C3orf33: variants seen among roughly 807,000 people sequenced by gnomAD.
C3orf33 encodes the protein AP-1 activity suppressor.
C3orf33 carries 23 observed loss-of-function variants against 28.7 expected under a neutral mutation model. The observed-to-expected ratio is 0.80, with a 90% CI of 0.58 to 1.13. The LOEUF (loss-of-function observed/expected upper bound fraction) is 1.13. C3orf33 is among the 50% of genes most tolerant of loss of function. The pLI is 0.00. For synonymous variants in C3orf33, 119 were observed against 120.5 expected (o/e 0.99, Z 0.08); for missense variants, 327 against 353.4 (o/e 0.93, Z 0.60).
intron 1 of C3orf33, among the ~76,000 whole-genome samples, chr3:155,803,027 G>C (rs1184246342): frequency 5.9e-5 from 9 of 152,044 alleles, no homozygotes; most frequent in Non-Finnish European, 1.3e-4. Context: ...ATAGTAATTA[G>C]TATAACCTTG....
intron 2 of C3orf33, among the ~76,000 whole-genome samples, chr3:155,782,705 A>G (rs1750963474): frequency 6.6e-6 from 1 of 152,202 alleles, no homozygotes; most frequent in Non-Finnish European, 1.5e-5. Context: ...ACAAGCCAAG[A>G]AAGTTTGTTA....
chr3:155,783,628 G>T (rs896826969), intron 2 of C3orf33, among the ~76,000 whole-genome samples: 1 of 151,674 alleles, frequency 6.6e-6, no homozygotes, highest in African/African-American at 2.4e-5. Flanking sequence ...TGCCACGCCT[G>T]GCTAAGTTTT....
At chr3:155,770,725 A>G (rs1286765186) in intron 3 of C3orf33, among the ~76,000 whole-genome samples, 4 of 149,186 alleles carry the variant, frequency 2.7e-5, no homozygotes, top group Admixed American at 6.7e-5. Flanking sequence ...CTGAAGTGCA[A>G]TGGTGCAATC....
intron 4 of C3orf33, among the ~76,000 whole-genome samples, chr3:155,766,794 C>CA (rs1350696512): frequency 6.6e-6 from 1 of 151,784 alleles, no homozygotes; most frequent in South Asian, 2.1e-4. Flanking sequence ...ACTAAAAATA[C>CA]AAAAAATTAG....
At chr3:155,802,834 T>C (rs1661672956) in intron 1 of C3orf33, among the ~76,000 whole-genome samples, 2 of 152,002 alleles carry the variant, frequency 1.3e-5, no homozygotes, top group South Asian at 2.1e-4. Flanking sequence ...CATTTATATA[T>C]ATATTTAAAC....
chr3:155,771,032 T>TGTGTGTGTGTGTGA (rs1218029676), intron 3 of C3orf33, among the ~76,000 whole-genome samples: 2 of 149,288 alleles, frequency 1.3e-5, no homozygotes, highest in African/African-American at 5.0e-5. Flanking sequence ...TGTGTGTGTG[T>TGTGTGTGTGTGTGA]GTGTGTGTGT....
At chr3:155,782,532 T>C (rs1306322782) in intron 2 of C3orf33, among the ~76,000 whole-genome samples, 2 of 152,154 alleles carry the variant, frequency 1.3e-5, no homozygotes, top group East Asian at 1.9e-4. Context: ...AAAGGATCCT[T>C]AATAAGATTA....
intron 2 of C3orf33, among the ~76,000 whole-genome samples, chr3:155,798,568 C>T (rs956222721): frequency 1.3e-5 from 2 of 152,008 alleles, no homozygotes; most frequent in South Asian, 2.1e-4. Flanking sequence ...GATATCCATA[C>T]GCAAAAGAAT....
intron 1 of C3orf33, among the ~76,000 whole-genome samples, chr3:155,802,856 CATGTAT>C (rs1472503773): frequency 1.3e-5 from 2 of 151,982 alleles, no homozygotes; most frequent in East Asian, 1.9e-4. Context: ...TATATACATA[CATGTAT>C]ATGTAAACAT....
chr3:155,781,382 G>A (rs941523304), intron 2 of C3orf33, among the ~76,000 whole-genome samples: 1 of 152,044 alleles, frequency 6.6e-6, no homozygotes, highest in African/African-American at 2.4e-5. Flanking sequence ...ATTTTTGTTT[G>A]CTTGTTTTTG....
At chr3:155,773,177 T>C (rs917849562) in intron 3 of C3orf33, among the ~76,000 whole-genome samples, 1 of 152,234 alleles carries the variant, frequency 6.6e-6, no homozygotes, top group African/African-American at 2.4e-5. Flanking sequence ...AAATGAAGAC[T>C]ATGCTCTAGC....
intron 4 of C3orf33, among the ~76,000 whole-genome samples, chr3:155,766,087 G>A (rs1577409137): frequency 1.3e-5 from 2 of 152,142 alleles, no homozygotes; most frequent in African/African-American, 4.8e-5. Context: ...GGAGTACATT[G>A]GTGCGATCAT....
chr3:155,791,841 T>G (rs2109273901), intron 2 of C3orf33, among the ~76,000 whole-genome samples: 1 of 151,838 alleles, frequency 6.6e-6, no homozygotes, highest in African/African-American at 2.4e-5. Context: ...ATTTTGAAGA[T>G]TCACTACTCC....
At chr3:155,801,578 G>T (rs1751651915) in intron 2 of C3orf33, among the ~76,000 whole-genome samples, 1 of 151,936 alleles carries the variant, frequency 6.6e-6, no homozygotes, top group South Asian at 2.1e-4. Flanking sequence ...CAACAACATG[G>T]ATGAATCTTA....
chr3:155,784,761 TAAATA>T (rs1166004481), intron 2 of C3orf33, among the ~76,000 whole-genome samples: 3 of 150,308 alleles, frequency 2.0e-5, no homozygotes, highest in Non-Finnish European at 3.0e-5. Flanking sequence ...ATTAATTAAA[TAAATA>T]AAATAAAAAA....
At chr3:155,772,694 TAGC>T (rs1217169030) in intron 3 of C3orf33, among the ~76,000 whole-genome samples, 3 of 151,796 alleles carry the variant, frequency 2.0e-5, no homozygotes, top group Admixed American at 6.6e-5. Flanking sequence ...ACTGAGACAG[TAGC>T]AATAGCACAG....
intron 2 of C3orf33, among the ~76,000 whole-genome samples, chr3:155,786,291 AG>A (rs1217340391): frequency 2.0e-5 from 3 of 152,142 alleles, no homozygotes; most frequent in African/African-American, 7.2e-5. Context: ...GACAGGAAGG[AG>A]AAAAACAATA....
chr3:155,770,110 C>T (rs886860986), intron 3 of C3orf33, among the ~76,000 whole-genome samples: 17 of 152,150 alleles, frequency 1.1e-4, no homozygotes, highest in Admixed American at 1.0e-3. Flanking sequence ...CTTCAGGTGG[C>T]GGGGGTTGGG....
intron 3 of C3orf33, 106 bp from the exon 4 acceptor site, chr3:155,767,775 T>C: frequency 1.4e-6 from 1 of 721,622 alleles, no homozygotes; most frequent in Non-Finnish European, 2.1e-6. Flanking sequence ...TGTTTATTTA[T>C]AAATACCCAG....
Sources: allele counts gnomAD v4.1 joint callset (sites outside exome capture counted in the v4.1 genomes callset), GRCh38; gene constraint gnomAD v4.1.1; transcripts MANE v1.5; gene names NCBI Gene and HGNC (gene_info 2026-07-23, HGNC 2026-07-21).